SOD2: variants seen among roughly 807,000 people sequenced by gnomAD.
SOD2 encodes superoxide dismutase 2, also known as superoxide dismutase [Mn], mitochondrial.
SOD2 carries 11 observed loss-of-function variants against 27.0 expected under a neutral mutation model. The ratio of observed to expected loss-of-function variants is 0.41; its 90% CI spans 0.26 to 0.67. SOD2 has a LOEUF of 0.67. Ranked by LOEUF, SOD2 falls within the 30% of genes least tolerant of loss-of-function variation. The pLI, the probability that SOD2 is intolerant of heterozygous loss-of-function variation, is 0.34. For synonymous variants in SOD2, 105 were observed against 103.0 expected (o/e 1.02, Z -0.12); for missense variants, 250 against 274.5 (o/e 0.91, Z 0.63).
intron 1 of SOD2, among the ~76,000 whole-genome samples, chr6:159,718,297 C>CATAT (rs1777961748): frequency 6.6e-6 from 1 of 152,150 alleles, no homozygotes; most frequent in Non-Finnish European, 1.5e-5. Flanking sequence ...CATGCCTGGT[C>CATAT]ATATATACCA....
chr6:159,685,357 C>A (rs1429652917), intron 3 of SOD2, among the ~76,000 whole-genome samples: 3 of 151,648 alleles, frequency 2.0e-5, no homozygotes, highest in African/African-American at 7.3e-5. Context: ...ATTCTCCTGC[C>A]TTAGCCTCCC....
intron 1 of SOD2, chr6:159,755,755 T>TTTTTC (rs1414897537): frequency 6.5e-6 from 7 of 1,077,746 alleles, no homozygotes; most frequent in Non-Finnish European, 7.0e-6. Context: ...CTTTGTTTTT[T>TTTTTC]TTTTCTTTTC....
Position 159,673,489 on chromosome 6 carries a change from G to T in SOD2, c.*9004C>A, listed in dbSNP as rs1779711305. 1 of 152,124 alleles carries T rather than the reference G, an allele frequency of 6.6e-6. No homozygotes were observed. 9.4% of individuals were successfully genotyped at this position (152,124 alleles called of 1,614,324 possible). A position where few individuals can be genotyped will look rare whatever the true frequency, so the allele number is the denominator to read the frequency against. On this transcript the variant is annotated 3_prime_UTR_variant, in exon 5 of 5. Transcript: ENST00000538183. Reference sequence around the variant, plus strand: ...CATGGAAACTGAACAACCTGCTCCTGAATGACTACTGGGTACATAACAAAA... The same window carrying T: ...CATGGAAACTGAACAACCTGCTCCTTAATGACTACTGGGTACATAACAAAA...
chr6:159,759,365 T>G (rs1307234811), intron 1 of SOD2, among the ~76,000 whole-genome samples: 1 of 142,774 alleles, frequency 7.0e-6, no homozygotes, highest in South Asian at 2.5e-4. Flanking sequence ...GGCCAAGACA[T>G]AATTTTAAAA....
upstream of SOD2, chr6:159,727,532 G>T: frequency 1.0e-6 from 1 of 992,138 alleles, no homozygotes; most frequent in South Asian, 4.4e-5. Context: ...TTGTGGCAGC[G>T]AGACCCACAA....
At chr6:159,733,403 G>A (rs1014025768) in intron 1 of SOD2, among the ~76,000 whole-genome samples, 33 of 152,238 alleles carry the variant, frequency 2.2e-4, no homozygotes, top group African/African-American at 5.5e-4. Context: ...GATTGCTTGC[G>A]CCCAGGAGTT....
rs576434911 is a variant in SOD2, at chr6:159,726,514, C to A, written c.-116+615G>T. 14 of 306,120 alleles carry A rather than the reference C, an allele frequency of 4.6e-5. No homozygotes were observed. In the East Asian group the frequency reaches 1.3e-3, roughly 28 times the overall value. The allele number at this position is 306,120 out of a possible 1,614,324, so 19.0% of individuals were successfully genotyped here. A position where few individuals can be genotyped will look rare whatever the true frequency, so the allele number is the denominator to read the frequency against. On this transcript the variant is annotated intron_variant, in intron 1 of 2. Transcript: ENST00000401980. ...AAGGACAGACCAATCAAAAGAATTA[C>A]GTGCTCTTCTAGTAAGTGTTTAGAG... is the stretch of plus-strand genomic sequence containing the variant.
At chr6:159,713,847 C>G in intron 1 of SOD2, 1 of 1,094,332 alleles carries the variant, frequency 9.1e-7, no homozygotes, top group Non-Finnish European at 1.4e-6. Context: ...CTGCCTTCTC[C>G]GGTGTAGATG....
chr6:159,687,036 T>A (rs1156347494), intron 3 of SOD2, among the ~76,000 whole-genome samples: 1 of 152,230 alleles, frequency 6.6e-6, no homozygotes, highest in Non-Finnish European at 1.5e-5. Flanking sequence ...CTGGAACAAC[T>A]GACTTTTTAT....
chr6:159,702,827 G>C (rs140279564), intron 1 of SOD2, among the ~76,000 whole-genome samples: 2,769 of 141,770 alleles, frequency 0.02, 54 homozygotes, highest in Middle Eastern at 0.036. Context: ...TCCAGCCTGG[G>C]CGACAGAGCA....
upstream of SOD2, among the ~76,000 whole-genome samples, chr6:159,747,449 A>G (rs1779638770): frequency 6.6e-6 from 1 of 152,194 alleles, no homozygotes; most frequent in African/African-American, 2.4e-5. Flanking sequence ...CAGCTTTACA[A>G]TTCTATGATT....
upstream of SOD2, among the ~76,000 whole-genome samples, chr6:159,728,100 A>C (rs1276645512): frequency 6.6e-6 from 1 of 152,248 alleles, no homozygotes; most frequent in Admixed American, 6.5e-5. Context: ...CAAGGAAAAA[A>C]AGAAACATTC....
At chr6:159,693,326 C>T (rs1171627046), upstream of SOD2, 8 of 356,774 alleles carry the variant, frequency 2.2e-5, no homozygotes, top group Admixed American at 1.1e-4. Flanking sequence ...CACCGCCGCC[C>T]CGCCCCCCCC....
chr6:159,701,454 C>G (rs1016772673), intron 1 of SOD2, among the ~76,000 whole-genome samples: 12 of 151,888 alleles, frequency 7.9e-5, no homozygotes, highest in African/African-American at 2.7e-4. Context: ...GCCTATAGTC[C>G]CAGCTACTTG....
upstream of SOD2, among the ~76,000 whole-genome samples, chr6:159,749,767 G>A (rs1779755141): frequency 6.6e-6 from 1 of 152,130 alleles, no homozygotes; most frequent in Admixed American, 6.5e-5. Context: ...AAGGTATAGT[G>A]ATCATTTCTA....
intron 1 of SOD2, among the ~76,000 whole-genome samples, chr6:159,740,158 T>C (rs574354398): frequency 6.6e-6 from 1 of 152,108 alleles, no homozygotes; most frequent in Admixed American, 6.5e-5. Flanking sequence ...ATTTTTTTTT[T>C]CCCTGTCTCT....
chr6:159,761,561 C>G (rs955108419), exon 1 of SOD2: 2 of 456,434 alleles, frequency 4.4e-6, no homozygotes, highest in Admixed American at 2.4e-5. Flanking sequence ...CAAAAGGACC[C>G]ATCAGAGCTG....
At chr6:159,747,943 T>A, upstream of SOD2, among the ~76,000 whole-genome samples, 1 of 152,214 alleles carries the variant, frequency 6.6e-6, no homozygotes. Context: ...CAAGGACTAC[T>A]ACATAGTGAT....
Position 159,678,869 on chromosome 6 carries a change from G to A in SOD2, c.*3624C>T, listed in dbSNP as rs1237678892. On this transcript the variant is annotated 3_prime_UTR_variant, in exon 5 of 5. Coordinates refer to ENST00000538183, the MANE Select transcript of SOD2 (RefSeq NM_000636.4). ...GCTGGTGTCCACTGGACAACCTGGTGTAAAAGTATTGAGTGGTATGTGACA... is the reference window on the plus strand; with the variant it reads ...GCTGGTGTCCACTGGACAACCTGGTATAAAAGTATTGAGTGGTATGTGACA... 3 of 152,220 alleles carry A rather than the reference G, an allele frequency of 2.0e-5. No homozygotes were observed. Among genetic ancestry groups the A allele is most frequent in the African/African-American group, 4.8e-5 (2 of 41,462 alleles). The allele number at this position is 152,220 out of a possible 1,614,324, so 9.4% of individuals were successfully genotyped here.
Sources: gnomAD v4.1 joint callset for allele counts (sites outside exome capture counted in the v4.1 genomes callset) on GRCh38, gnomAD v4.1.1 for gene constraint, MANE v1.5 for transcripts, NCBI Gene and HGNC (gene_info 2026-07-23, HGNC 2026-07-21) for gene names.